C1GALT1: variants seen among roughly 807,000 people sequenced by gnomAD.
The protein encoded by C1GALT1 is core 1 synthase, glycoprotein-N-acetylgalactosamine 3-beta-galactosyltransferase 1, also known as glycoprotein-N-acetylgalactosamine 3-beta-galactosyltransferase 1.
A neutral mutation model predicts 31.0 loss-of-function variants in C1GALT1; 11 were observed. That is an observed-to-expected ratio of 0.36 (90% CI 0.22 to 0.59). The LOEUF (loss-of-function observed/expected upper bound fraction) is 0.59, where lower values mean the gene tolerates loss of function less well. Ranked by LOEUF, C1GALT1 falls within the 20% of genes least tolerant of loss-of-function variation. C1GALT1 has a pLI of 0.79. For missense variants in C1GALT1, 424 were observed against 425.2 expected (o/e 1.00, Z 0.03); for synonymous variants, 175 against 143.6 (o/e 1.22, Z -1.56).
intron 1 of C1GALT1, among the ~76,000 whole-genome samples, chr7:7,208,817 T>G (rs923325526): frequency 6.6e-6 from 1 of 152,210 alleles, no homozygotes; most frequent in African/African-American, 2.4e-5. Flanking sequence ...CACAGTTGCC[T>G]GCCTGTGGGA....
chr7:7,203,289 A>G (rs1377061709), intron 1 of C1GALT1, among the ~76,000 whole-genome samples: 2 of 152,088 alleles, frequency 1.3e-5, no homozygotes. Context: ...TGTAGATCTT[A>G]GAGGAAAAGC....
intron 1 of C1GALT1, among the ~76,000 whole-genome samples, chr7:7,215,395 C>T (rs115211522): frequency 4.5e-4 from 68 of 152,080 alleles, no homozygotes; most frequent in Non-Finnish European, 7.1e-4. Context: ...CAGTTTGTGC[C>T]GGGAGAGAAA....
At chr7:7,199,152 C>A (rs1348220298) in intron 1 of C1GALT1, among the ~76,000 whole-genome samples, 1 of 152,132 alleles carries the variant, frequency 6.6e-6, no homozygotes, top group East Asian at 1.9e-4. Context: ...TAGATCTTTC[C>A]TGCTTTCTCT....
chr7:7,193,201 G>A (rs1450468501), intron 1 of C1GALT1, among the ~76,000 whole-genome samples: 2 of 151,986 alleles, frequency 1.3e-5, no homozygotes, highest in Non-Finnish European at 2.9e-5. Flanking sequence ...TTGTTTTTGG[G>A]TTCATGGTCA....
chr7:7,184,522 C>A (rs1583740168), intron 1 of C1GALT1, among the ~76,000 whole-genome samples: 1 of 152,124 alleles, frequency 6.6e-6, no homozygotes, highest in African/African-American at 2.4e-5. Context: ...ATAATGAGTT[C>A]TTGTTTACCT....
intron 1 of C1GALT1, among the ~76,000 whole-genome samples, chr7:7,198,597 T>C (rs1302497238): frequency 6.6e-6 from 1 of 152,242 alleles, no homozygotes; most frequent in Non-Finnish European, 1.5e-5. Context: ...TGGGATAGTT[T>C]CAGAAGGAAT....
At chr7:7,227,158 A>T (rs1782802783) in intron 1 of C1GALT1, among the ~76,000 whole-genome samples, 1 of 152,142 alleles carries the variant, frequency 6.6e-6, no homozygotes, top group Non-Finnish European at 1.5e-5. Flanking sequence ...TTTATTTCCT[A>T]TAAATTCAAA....
intron 1 of C1GALT1, among the ~76,000 whole-genome samples, chr7:7,187,463 A>G (rs1243482152): frequency 6.6e-6 from 1 of 151,294 alleles, no homozygotes; most frequent in African/African-American, 2.4e-5. Context: ...GAGATCTTTT[A>G]TGTAAATGTG....
At chr7:7,212,618 A>T (rs7786560) in intron 1 of C1GALT1, among the ~76,000 whole-genome samples, 2 of 151,908 alleles carry the variant, frequency 1.3e-5, no homozygotes, top group African/African-American at 2.4e-5. Flanking sequence ...GGGCTGAGTC[A>T]GAGAAAGGAG....
At chr7:7,213,157 C>T (rs939896246) in intron 1 of C1GALT1, among the ~76,000 whole-genome samples, 2 of 152,134 alleles carry the variant, frequency 1.3e-5, no homozygotes, top group African/African-American at 4.8e-5. Flanking sequence ...TCTTCTTTCT[C>T]AATTTCAGTG....
intron 1 of C1GALT1, among the ~76,000 whole-genome samples, chr7:7,189,685 CAGA>C (rs1157523677): frequency 2.0e-5 from 3 of 151,570 alleles, no homozygotes; most frequent in South Asian, 2.1e-4. Flanking sequence ...ACTTCATTGC[CAGA>C]AGTTTATCCA....
At position 7,244,637 on chromosome 7, in the gene C1GALT1, T is replaced by C. The variant is rs1207042054; in HGVS notation, c.*910T>C. ...AGGAATTACTAAGTGACATTTTAAATTGATATTTTAAACTCTTTCCAACTA... is the reference window on the plus strand; with the variant it reads ...AGGAATTACTAAGTGACATTTTAAACTGATATTTTAAACTCTTTCCAACTA... On this transcript the variant is annotated 3_prime_UTR_variant, in exon 4 of 4. Transcript: ENST00000436587. The C allele has an allele frequency of 6.6e-6, 1 of 152,218 alleles. No homozygotes were observed. Among genetic ancestry groups the C allele is most frequent in the Non-Finnish European group, 1.5e-5 (1 of 68,008 alleles). 9.4% of individuals were successfully genotyped at this position (152,218 alleles called of 1,614,324 possible).
chr7:7,186,429 C>G (rs965719295), intron 1 of C1GALT1, among the ~76,000 whole-genome samples: 1 of 152,146 alleles, frequency 6.6e-6, no homozygotes, highest in Non-Finnish European at 1.5e-5. Flanking sequence ...AATGTGGTCC[C>G]TGGATCTGCA....
At chr7:7,191,665 A>G (rs1047365827) in intron 1 of C1GALT1, among the ~76,000 whole-genome samples, 3 of 152,116 alleles carry the variant, frequency 2.0e-5, no homozygotes, top group Non-Finnish European at 4.4e-5. Context: ...TTTGATGGTA[A>G]CCATTGTTAT....
chr7:7,210,250 T>C (rs987342386), intron 1 of C1GALT1, among the ~76,000 whole-genome samples: 9 of 152,076 alleles, frequency 5.9e-5, no homozygotes, highest in Non-Finnish European at 1.3e-4. Flanking sequence ...TGGGACTATT[T>C]TAAAGGGTAT....
intron 2 of C1GALT1, among the ~76,000 whole-genome samples, chr7:7,177,200 C>T (rs963788876): frequency 1.3e-5 from 2 of 152,170 alleles, no homozygotes; most frequent in African/African-American, 4.8e-5. Flanking sequence ...GGACTTGAGT[C>T]TCACACTAAG....
intron 2 of C1GALT1, among the ~76,000 whole-genome samples, chr7:7,163,999 G>A (rs1449269056): frequency 6.6e-6 from 1 of 151,996 alleles, no homozygotes; most frequent in East Asian, 1.9e-4. Flanking sequence ...AAAAGAGCCC[G>A]CATCGCCAAG....
At chr7:7,178,387 A>G (rs939588370), upstream of C1GALT1, 2 of 216,260 alleles carry the variant, frequency 9.2e-6, no homozygotes, top group Non-Finnish European at 2.0e-5. Flanking sequence ...CTCTGGGCAA[A>G]TTTGTATTAT....
At position 7,182,573 on chromosome 7, in the gene C1GALT1, G is replaced by A. The variant is rs1006385729; in HGVS notation, c.-265G>A. The A allele has an allele frequency of 1.3e-5, 2 of 153,546 alleles. No individual in the cohort carries two copies. The highest frequency in any genetic ancestry group is 1.3e-4 in the Admixed American group (2 of 15,282). The allele number at this position is 153,546 out of a possible 1,614,324, so 9.5% of individuals were successfully genotyped here. ...GACTTCGGGTGGCGGCTGCGCCATA[G>A]GCGGGCCACGGCCTGGACGCGCTGC... On this transcript the variant is annotated 5_prime_UTR_variant, in exon 1 of 4. Transcript: ENST00000436587.
Sources: allele counts gnomAD v4.1 joint callset (sites outside exome capture counted in the v4.1 genomes callset), GRCh38; gene constraint gnomAD v4.1.1; transcripts MANE v1.5; gene names NCBI Gene and HGNC (gene_info 2026-07-23, HGNC 2026-07-21).